Variants in WDR70 observed in about 807,000 individuals in gnomAD.
WDR70 encodes WD repeat domain 70.
A neutral mutation model predicts 88.6 loss-of-function variants in WDR70; 53 were observed. The observed-to-expected ratio is 0.60, with a 90% CI of 0.48 to 0.75. The LOEUF is 0.75. Among genes scored for constraint, WDR70 ranks in the 30% least tolerant of loss-of-function variants. The pLI, the probability that WDR70 is intolerant of heterozygous loss-of-function variation, is 0.00. For missense variants in WDR70, 610 were observed against 823.2 expected, an observed-to-expected ratio of 0.74 and a Z score of 3.17; for synonymous variants, 280 against 270.0, an observed-to-expected ratio of 1.04 and a Z score of -0.36.
chr5:37,713,200 T>G (rs4242251), intron 13 of WDR70, among the ~76,000 whole-genome samples: 36,638 of 152,118 alleles, frequency 0.24, 5,101 homozygotes, highest in Admixed American at 0.38. Context: ...CAGGGTGAGA[T>G]GAAGGGCCAA....
intron 9 of WDR70, among the ~76,000 whole-genome samples, chr5:37,520,461 C>G (rs558253587): frequency 6.6e-6 from 1 of 151,996 alleles, no homozygotes; most frequent in East Asian, 1.9e-4. Flanking sequence ...AATTTCTTTT[C>G]CTATCTTAGT....
chr5:37,664,522 C>T (rs113997377), intron 10 of WDR70, among the ~76,000 whole-genome samples: 33 of 152,320 alleles, frequency 2.2e-4, no homozygotes, highest in African/African-American at 7.5e-4. Flanking sequence ...GCATCCTCAC[C>T]AGGCTTTACC....
intron 9 of WDR70, among the ~76,000 whole-genome samples, chr5:37,599,359 GTTAT>G (rs1743794971): frequency 6.6e-6 from 1 of 152,122 alleles, no homozygotes; most frequent in Admixed American, 6.6e-5. Context: ...TCTACTTACA[GTTAT>G]TTAAGTTACA....
intron 8 of WDR70, chr5:37,505,615 G>A: frequency 1.3e-6 from 1 of 745,432 alleles, no homozygotes; most frequent in Non-Finnish European, 2.5e-6. Flanking sequence ...CTAGACAACT[G>A]AGTGGGTGGA....
intron 7 of WDR70, among the ~76,000 whole-genome samples, chr5:37,451,753 T>C (rs1738682708): frequency 6.6e-6 from 1 of 152,174 alleles, no homozygotes. Context: ...CCCCGCACTT[T>C]GGGAGGCCAA....
At chr5:37,531,753 G>A (rs758851619) in intron 9 of WDR70, among the ~76,000 whole-genome samples, 3 of 151,332 alleles carry the variant, frequency 2.0e-5, no homozygotes, top group Non-Finnish European at 4.4e-5. Context: ...GGCCATTTAC[G>A]TTCAATGTTA....
At chr5:37,687,882 T>G (rs1309182804) in intron 10 of WDR70, 3 of 646,940 alleles carry the variant, frequency 4.6e-6, no homozygotes, top group South Asian at 3.5e-5. Flanking sequence ...AGCATCAGAT[T>G]CACAATACCA....
chr5:37,424,658 C>A (rs1169212084), intron 5 of WDR70, among the ~76,000 whole-genome samples: 1 of 152,098 alleles, frequency 6.6e-6, no homozygotes, highest in Non-Finnish European at 1.5e-5. Context: ...AGTCCTTCTG[C>A]CTCACCTCCC....
chr5:37,629,216 T>A (rs1279468283), intron 10 of WDR70, among the ~76,000 whole-genome samples: 1 of 152,174 alleles, frequency 6.6e-6, no homozygotes, highest in Non-Finnish European at 1.5e-5. Flanking sequence ...GAATTCTTTG[T>A]CTTTTACTTA....
chr5:37,492,168 G>A (rs913237383), intron 8 of WDR70, among the ~76,000 whole-genome samples: 1 of 152,150 alleles, frequency 6.6e-6, no homozygotes, highest in Non-Finnish European at 1.5e-5. Flanking sequence ...CTAGGAGGGA[G>A]ATAAACCAAT....
chr5:37,567,006 C>T (rs780351639), intron 9 of WDR70, among the ~76,000 whole-genome samples: 2 of 152,168 alleles, frequency 1.3e-5, no homozygotes, highest in Non-Finnish European at 2.9e-5. Context: ...AACCTGGGGT[C>T]TCCAAAATTA....
chr5:37,597,597 C>T (rs1225560315), intron 9 of WDR70, among the ~76,000 whole-genome samples: 1 of 152,174 alleles, frequency 6.6e-6, no homozygotes, highest in African/African-American at 2.4e-5. Flanking sequence ...CAAGTTAACA[C>T]AAGCGTGGGT....
Position 37,722,914 on chromosome 5 carries a change from C to T in WDR70, c.1577C>T (p.Thr526Ile). Residue 526 changes from threonine to isoleucine, a missense_variant, in exon 15 of 18, where the codon ACT becomes ATT. Thr to Ile is a moderately conservative substitution (Grantham distance 89, BLOSUM62 -1). Around this residue, in one of 4 missense-constraint regions of WDR70, gnomAD observed 254 missense variants for 300.7 expected, o/e 0.84. Coordinates refer to ENST00000265107, the MANE Select transcript of WDR70 (RefSeq NM_018034.4). ...QRKAKQAETL[T>I]QDYIITPHAL... ...AAGGCAAAACAAGCTGAGACTCTAA[C>T]TCAGGACTACATCATCACCCGTAAG... 1.2e-6 allele frequency: 2 copies of T among 1,613,608 alleles called. No homozygotes were observed. The highest frequency in any genetic ancestry group is 1.7e-6 in the Non-Finnish European group (2 of 1,179,640).
At chr5:37,692,202 C>T (rs929933039) in intron 10 of WDR70, among the ~76,000 whole-genome samples, 4 of 151,822 alleles carry the variant, frequency 2.6e-5, no homozygotes, top group African/African-American at 7.3e-5. Flanking sequence ...CAATAACAGG[C>T]TCTGAAATTG....
intron 5 of WDR70, among the ~76,000 whole-genome samples, chr5:37,417,929 A>G (rs1173117528): frequency 2.0e-5 from 3 of 152,212 alleles, no homozygotes; most frequent in African/African-American, 7.2e-5. Context: ...AAATTGCAAA[A>G]CTTGCAGATT....
At chr5:37,442,913 A>AT in intron 6 of WDR70, among the ~76,000 whole-genome samples, 1 of 152,286 alleles carries the variant, frequency 6.6e-6, no homozygotes, top group East Asian at 1.9e-4. Flanking sequence ...TATTTGTAAG[A>AT]TTTTTACTTG....
Position 37,479,922 on chromosome 5 carries a change from G to C in WDR70, c.775G>C (p.Asp259His). The change falls in exon 8 of 18, where the codon GAT becomes CAT. Residue 259 changes from aspartate (D) to histidine (H), a missense_variant. Asp to His is a moderately conservative substitution (Grantham distance 81). Around this residue, in one of 4 missense-constraint regions of WDR70, gnomAD observed 83 missense variants for 155.3 expected, o/e 0.53. Coordinates refer to ENST00000265107, the MANE Select transcript of WDR70 (RefSeq NM_018034.4). ...CTCTCAGGCCAAGGTGATTGACAGA[G>C]ATGGTTTTGAAGTAATGGAATGTAT... ...GSSQAKVIDR[D>H]GFEVMECIKG... The C allele has an allele frequency of 6.2e-7, 1 of 1,614,136 alleles. No homozygotes were observed. Among genetic ancestry groups the C allele is most frequent in the Non-Finnish European group, 8.5e-7 (1 of 1,180,012 alleles).
chr5:37,659,297 A>G (rs1745636156), intron 10 of WDR70, among the ~76,000 whole-genome samples: 2 of 152,216 alleles, frequency 1.3e-5, no homozygotes, highest in South Asian at 4.1e-4. Flanking sequence ...CTTCTTTGTT[A>G]TTAACTATGG....
chr5:37,447,131 A>G (rs181833943), intron 7 of WDR70, among the ~76,000 whole-genome samples: 27 of 152,370 alleles, frequency 1.8e-4, no homozygotes, highest in African/African-American at 6.3e-4. Context: ...GGTGAAGGAT[A>G]TGAACAGACA....
Sources: gnomAD v4.1 joint callset for allele counts (sites outside exome capture counted in the v4.1 genomes callset) on GRCh38, gnomAD v4.1.1 for gene constraint, gnomAD v4.1.1 regional missense constraint, MANE v1.5 for transcripts, NCBI Gene and HGNC (gene_info 2026-07-23, HGNC 2026-07-21) for gene names.